The following TMC5 variants were observed in gnomAD, a reference collection of about 807,000 sequenced individuals.
TMC5 encodes the protein transmembrane channel like 5, also known as transmembrane channel-like protein 5.
Under a neutral mutation model 110.5 loss-of-function variants are expected in TMC5, and 86 were observed. The observed-to-expected ratio is 0.78, with a 90% CI of 0.65 to 0.93. TMC5 has a LOEUF of 0.93. Ranked by LOEUF, TMC5 falls within the 40% of genes least tolerant of loss-of-function variation. TMC5 has a pLI of 0.00. For synonymous variants in TMC5, 455 were observed against 439.5 expected, an observed-to-expected ratio of 1.04 and a Z score of -0.44; for missense variants, 1,144 against 1,222.8, an observed-to-expected ratio of 0.94 and a Z score of 0.96.
At position 19,498,062 on chromosome 16, in the gene TMC5, G is replaced by C; in HGVS notation, c.*96G>C. ...CACCTGTGCCTTTAGGAACTGCCCA[G>C]AAGAAAATCCAAGGCTTTAGCCAGG... On this transcript the variant is annotated 3_prime_UTR_variant, in exon 22 of 22. Coordinates refer to ENST00000542583, the MANE Select transcript of TMC5 (RefSeq NM_001261841.2). 2.4e-6 allele frequency: 3 copies of C among 1,250,798 alleles called. No homozygotes were observed. The South Asian group carries it at 3.6e-5, about 15-fold the overall frequency. The allele number at this position is 1,250,798 out of a possible 1,614,324, so 77.5% of individuals were successfully genotyped here. A position where few individuals can be genotyped will look rare whatever the true frequency, so the allele number is the denominator to read the frequency against.
chr16:19,491,689 C>T (rs1968911309), intron 18 of TMC5, among the ~76,000 whole-genome samples: 1 of 151,992 alleles, frequency 6.6e-6, no homozygotes, highest in Non-Finnish European at 1.5e-5. Flanking sequence ...GCACCCACCA[C>T]CACGCCCAGC....
At chr16:19,426,968 G>A (rs1411824699) in intron 1 of TMC5, among the ~76,000 whole-genome samples, 2 of 152,114 alleles carry the variant, frequency 1.3e-5, no homozygotes, top group South Asian at 4.1e-4. Context: ...CTGGGCTGGG[G>A]TGGTCTTCCT....
intron 11 of TMC5, 109 bp from the exon 12 acceptor site, chr16:19,474,016 C>T (rs1021383626): frequency 2.9e-6 from 3 of 1,042,112 alleles, no homozygotes; most frequent in Non-Finnish European, 4.1e-6. Context: ...AAATAGTTAA[C>T]CGCAGAGGAG....
Position 19,490,943 on chromosome 16 carries a change from C to T in TMC5, c.2747+375C>T, listed in dbSNP as rs573706259. Among the ~76,000 whole-genome samples, 447 of 131,554 alleles carry T rather than the reference C, an allele frequency of 3.4e-3. 10 individuals are homozygous for T. The highest frequency in any genetic ancestry group is 0.013 in the African/African-American group (429 of 33,940). 86.3% of individuals were successfully genotyped at this position (131,554 alleles called of 152,430 possible). On this transcript the variant is annotated intron_variant, in intron 18 of 21. Coordinates refer to ENST00000542583, the MANE Select transcript of TMC5 (RefSeq NM_001261841.2). Reference sequence around the variant, plus strand: ...CTTCTTTCTCCCTTCCCCTCCCTTCCCTTCCTTTCCCCTTCCCCTCCCTTC... The same window carrying T: ...CTTCTTTCTCCCTTCCCCTCCCTTCTCTTCCTTTCCCCTTCCCCTCCCTTC...
At chr16:19,436,085 A>C (rs1450210759) in intron 2 of TMC5, among the ~76,000 whole-genome samples, 4 of 151,802 alleles carry the variant, frequency 2.6e-5, no homozygotes, top group African/African-American at 7.3e-5. Flanking sequence ...AACATGAGGA[A>C]ACCCCCTCTC....
intron 9 of TMC5, among the ~76,000 whole-genome samples, chr16:19,467,964 T>TTTA (rs575430453): frequency 1.4e-3 from 215 of 151,796 alleles, no homozygotes; most frequent in East Asian, 4.5e-3. Context: ...AGGAAATGAT[T>TTTA]TTATTATTAT....
chr16:19,494,038 C>T (rs571038283), intron 19 of TMC5, among the ~76,000 whole-genome samples: 1 of 152,172 alleles, frequency 6.6e-6, no homozygotes, highest in South Asian at 2.1e-4. Context: ...AGGGGAATTG[C>T]TTTAGAGGAG....
chr16:19,456,290 A>G (rs1430055571), intron 5 of TMC5, among the ~76,000 whole-genome samples: 1 of 150,460 alleles, frequency 6.6e-6, no homozygotes, highest in African/African-American at 2.4e-5. Context: ...GAACATATAT[A>G]TATGTATATA....
At chr16:19,413,604 A>G (rs1241103905), upstream of TMC5, among the ~76,000 whole-genome samples, 2 of 143,824 alleles carry the variant, frequency 1.4e-5, no homozygotes, top group Non-Finnish European at 3.0e-5. Flanking sequence ...TGGGATGGGA[A>G]GGGCATTGTG....
At chr16:19,478,928 C>G (rs1033474188) in intron 13 of TMC5, among the ~76,000 whole-genome samples, 2 of 152,224 alleles carry the variant, frequency 1.3e-5, no homozygotes, top group African/African-American at 2.4e-5. Context: ...TGCAGAAGTT[C>G]CTAGCCACTA....
At chr16:19,422,649 C>T (rs118058898) in intron 1 of TMC5, among the ~76,000 whole-genome samples, 2 of 152,130 alleles carry the variant, frequency 1.3e-5, no homozygotes, top group East Asian at 1.9e-4. Flanking sequence ...CTGGGTGCAA[C>T]AATGTCTCTA....
chr16:19,480,438 T>G (rs2143692980), intron 14 of TMC5, among the ~76,000 whole-genome samples: 1 of 152,334 alleles, frequency 6.6e-6, no homozygotes, highest in East Asian at 1.9e-4. Flanking sequence ...ATAGATTCAA[T>G]GCCAAATTTC....
intron 6 of TMC5, among the ~76,000 whole-genome samples, chr16:19,461,012 A>G (rs1266587503): frequency 1.3e-5 from 2 of 152,200 alleles, no homozygotes; most frequent in Non-Finnish European, 2.9e-5. Context: ...AAATTAAAAA[A>G]GAGAGACATG....
intron 9 of TMC5, among the ~76,000 whole-genome samples, chr16:19,467,226 A>G (rs1285429209): frequency 6.6e-6 from 1 of 152,098 alleles, no homozygotes; most frequent in Non-Finnish European, 1.5e-5. Context: ...AGTACAGCAG[A>G]CCATTGGTTT....
chr16:19,433,821 C>A (rs1388008238), intron 2 of TMC5, among the ~76,000 whole-genome samples: 2 of 150,358 alleles, frequency 1.3e-5, no homozygotes, highest in Non-Finnish European at 3.0e-5. Flanking sequence ...TTTCCTATTT[C>A]TTTCTTTCTT....
chr16:19,496,887 C>CAAAAAAAAAAAAAAAAAAAAAAAAAA (rs67040638), intron 20 of TMC5, among the ~76,000 whole-genome samples: 3 of 80,244 alleles, frequency 3.7e-5, no homozygotes, highest in African/African-American at 1.5e-4. Flanking sequence ...AAGACTCTGT[C>CAAAAAAAAAAAAAAAAAAAAAAAAAA]AAAAAAAAAA....
chr16:19,457,706 A>ATTATTTTTTT (rs1555483103), intron 5 of TMC5, among the ~76,000 whole-genome samples: 2 of 41,078 alleles, frequency 4.9e-5, no homozygotes, highest in Non-Finnish European at 1.6e-4. Context: ...CCAAGACTAC[A>ATTATTTTTTT]TTCTTTTTTT....
intron 20 of TMC5, 46 bp from the exon 21 acceptor site, chr16:19,497,075 T>C (rs1376345070): frequency 6.2e-7 from 1 of 1,609,324 alleles, no homozygotes; most frequent in South Asian, 1.1e-5. Flanking sequence ...ACCCAGAATC[T>C]GCATTCTTCC....
intron 17 of TMC5, among the ~76,000 whole-genome samples, chr16:19,489,646 T>A (rs1968837659): frequency 1.0e-4 from 1 of 9,708 alleles, no homozygotes; most frequent in African/African-American, 1.5e-4. Context: ...CCTGGCTAAT[T>A]TTTTTTTTTT....
Sources: allele counts gnomAD v4.1 joint callset (sites outside exome capture counted in the v4.1 genomes callset), GRCh38; gene constraint gnomAD v4.1.1; transcripts MANE v1.5; gene names NCBI Gene and HGNC (gene_info 2026-07-23, HGNC 2026-07-21).